Variants in PCDH15 observed in about 807,000 individuals in gnomAD.
The protein encoded by PCDH15 is protocadherin-15.
PCDH15 carries 129 observed loss-of-function variants against 178.5 expected under a neutral mutation model. The observed-to-expected ratio is 0.72, with a 90% CI of 0.63 to 0.84. The LOEUF is 0.84. Among genes scored for constraint, PCDH15 ranks in the 40% least tolerant of loss-of-function variants. PCDH15 has a pLI of 0.00. For synonymous variants in PCDH15, 800 were observed against 732.0 expected (o/e 1.09, Z -1.50); for missense variants, 2,230 against 2,099.9 (o/e 1.06, Z -1.21).
At chr10:55,363,879 A>G (rs1254524050) in intron 2 of PCDH15, among the ~76,000 whole-genome samples, 2 of 152,006 alleles carry the variant, frequency 1.3e-5, no homozygotes, top group Non-Finnish European at 2.9e-5. Flanking sequence ...TCAAGTGATC[A>G]GCCCGCCTCA....
chr10:54,196,486 G>A (rs2049674283), intron 10 of PCDH15, among the ~76,000 whole-genome samples: 1 of 152,162 alleles, frequency 6.6e-6, no homozygotes, highest in African/African-American at 2.4e-5. Flanking sequence ...AGGTAATTGT[G>A]TTTAAATACA....
At chr10:55,453,148 T>A (rs1452214820) in intron 2 of PCDH15, among the ~76,000 whole-genome samples, 1 of 152,172 alleles carries the variant, frequency 6.6e-6, no homozygotes, top group Admixed American at 6.5e-5. Context: ...TGAGACATTA[T>A]TCCCTATGAA....
intron 2 of PCDH15, among the ~76,000 whole-genome samples, chr10:55,482,481 T>G (rs1054893167): frequency 1.3e-5 from 2 of 151,882 alleles, no homozygotes; most frequent in Admixed American, 6.6e-5. Flanking sequence ...TATTTAGTGC[T>G]TCCTTTAGGA....
chr10:54,295,178 T>C (rs1263091663), intron 8 of PCDH15, among the ~76,000 whole-genome samples: 2 of 151,546 alleles, frequency 1.3e-5, no homozygotes. Context: ...GGATGGGGAT[T>C]TGGAGAACTT....
chr10:55,159,067 C>T (rs987937303), intron 2 of PCDH15, among the ~76,000 whole-genome samples: 5 of 151,864 alleles, frequency 3.3e-5, no homozygotes, highest in African/African-American at 1.2e-4. Context: ...GGCTGATGTC[C>T]TCAGTGGCTA....
At chr10:54,830,401 G>T (rs113803953) in intron 3 of PCDH15, among the ~76,000 whole-genome samples, 1 of 152,086 alleles carries the variant, frequency 6.6e-6, no homozygotes, top group Non-Finnish European at 1.5e-5. Context: ...ATACTATGCC[G>T]CCATAAAAAA....
At chr10:53,850,387 A>T (rs1455465117) in intron 28 of PCDH15, among the ~76,000 whole-genome samples, 1 of 152,068 alleles carries the variant, frequency 6.6e-6, no homozygotes, top group Non-Finnish European at 1.5e-5. Flanking sequence ...AAGAACTATG[A>T]TTTCTTTAAT....
chr10:54,351,846 A>C (rs1813765585), intron 5 of PCDH15, among the ~76,000 whole-genome samples: 1 of 152,144 alleles, frequency 6.6e-6, no homozygotes, highest in Non-Finnish European at 1.5e-5. Flanking sequence ...CCTACAAGAA[A>C]ATTTTCTACA....
chr10:55,509,631 G>A (rs1840835666), intron 2 of PCDH15, among the ~76,000 whole-genome samples: 1 of 151,640 alleles, frequency 6.6e-6, no homozygotes, highest in Admixed American at 6.6e-5. Context: ...AATGTTTTAC[G>A]GAACCATCAT....
intron 3 of PCDH15, among the ~76,000 whole-genome samples, chr10:54,875,762 A>G (rs1487230192): frequency 3.3e-5 from 5 of 152,190 alleles, no homozygotes; most frequent in Non-Finnish European, 7.3e-5. Flanking sequence ...GCTGCAGAAG[A>G]AAAGGTTGAA....
chr10:54,788,641 T>C (rs1318868907), intron 1 of PCDH15, among the ~76,000 whole-genome samples: 1 of 151,702 alleles, frequency 6.6e-6, no homozygotes, highest in Non-Finnish European at 1.5e-5. Context: ...AAAATGTAAA[T>C]AATTATAAAC....
intron 2 of PCDH15, among the ~76,000 whole-genome samples, chr10:54,571,510 T>C (rs751342347): frequency 9.2e-5 from 14 of 152,016 alleles, no homozygotes; most frequent in Non-Finnish European, 1.5e-4. Flanking sequence ...TAGAACACAA[T>C]TATAACAACC....
chr10:54,740,747 G>A (rs1944689140), intron 1 of PCDH15, among the ~76,000 whole-genome samples: 2 of 151,988 alleles, frequency 1.3e-5, no homozygotes, highest in African/African-American at 4.8e-5. Context: ...AGGTCATTAT[G>A]TTAATTGAGC....
At chr10:55,402,058 G>T (rs942268802) in intron 2 of PCDH15, among the ~76,000 whole-genome samples, 1 of 151,272 alleles carries the variant, frequency 6.6e-6, no homozygotes, top group Non-Finnish European at 1.5e-5. Flanking sequence ...CCCCAGCTGG[G>T]TACATATTTC....
At chr10:55,171,369 G>T (rs1383169497) in intron 1 of PCDH15, among the ~76,000 whole-genome samples, 1 of 152,078 alleles carries the variant, frequency 6.6e-6, no homozygotes, top group Non-Finnish European at 1.5e-5. Context: ...ACTATTTCTT[G>T]AATCTTTTTC....
intron 3 of PCDH15, among the ~76,000 whole-genome samples, chr10:54,421,278 A>G (rs549682106): frequency 5.9e-5 from 9 of 151,992 alleles, no homozygotes; most frequent in Admixed American, 1.3e-4. Context: ...ATGAGAGTAT[A>G]TGAAATACAT....
chr10:55,070,049 T>C (rs1841686768), intron 2 of PCDH15, among the ~76,000 whole-genome samples: 1 of 151,942 alleles, frequency 6.6e-6, no homozygotes, highest in Non-Finnish European at 1.5e-5. Context: ...TATTTTTTCA[T>C]GTGTTTTTTG....
intron 3 of PCDH15, among the ~76,000 whole-genome samples, chr10:54,462,680 ATTTTTTTTTTTTTTTT>A (rs767750465): frequency 1.8e-5 from 1 of 56,232 alleles, no homozygotes; most frequent in African/African-American, 8.9e-5. Flanking sequence ...CACCTGCTTA[ATTTTTTTTTTTTTTTT>A]TTTTTTTTTT....
intron 2 of PCDH15, among the ~76,000 whole-genome samples, chr10:54,539,905 G>A (rs2085017615): frequency 6.6e-6 from 1 of 152,078 alleles, no homozygotes; most frequent in Non-Finnish European, 1.5e-5. Context: ...GCTCCTGAAT[G>A]AGTTTTGGAT....
Sources: gnomAD v4.1 joint callset for allele counts (sites outside exome capture counted in the v4.1 genomes callset) on GRCh38, gnomAD v4.1.1 for gene constraint, MANE v1.5 for transcripts, NCBI Gene and HGNC (gene_info 2026-07-23, HGNC 2026-07-21) for gene names.